SHMT1: variants seen among roughly 807,000 people sequenced by gnomAD.
SHMT1 encodes the protein serine hydroxymethyltransferase, cytosolic.
SHMT1 carries 45 observed loss-of-function variants against 49.0 expected under a neutral mutation model. The observed-to-expected ratio is 0.92, with a 90% CI of 0.72 to 1.18. The LOEUF is 1.18. Among genes scored for constraint, SHMT1 ranks in the 50% most tolerant of loss-of-function variants. The pLI is 0.00. For missense variants in SHMT1, 541 were observed against 612.4 expected (o/e 0.88, Z 1.23); for synonymous variants, 232 against 246.6 (o/e 0.94, Z 0.55).
chr17:18,329,489 G>T (rs1982946409), intron 10 of SHMT1, 101 bp from the exon 11 acceptor site: 2 of 902,888 alleles, frequency 2.2e-6, no homozygotes, highest in Admixed American at 2.0e-5. Context: ...CTGGCCTGAG[G>T]ATACTGGCTG....
chr17:18,329,463 T>C (rs964649242), intron 10 of SHMT1, 75 bp from the exon 11 acceptor site: 2 of 1,215,790 alleles, frequency 1.6e-6, no homozygotes, highest in South Asian at 1.2e-5. Context: ...AAAAGGGACA[T>C]GTGGGCAAAA....
chr17:18,352,474 C>T (rs1480293949), intron 3 of SHMT1, among the ~76,000 whole-genome samples: 1 of 151,338 alleles, frequency 6.6e-6, no homozygotes, highest in African/African-American at 2.4e-5. Flanking sequence ...GAAAACATCA[C>T]CCCTTGCTCG....
Position 18,330,645 on chromosome 17 carries a change from C to T in SHMT1, c.1081G>A (p.Val361Met). 1 of 1,614,024 alleles carries T rather than the reference C, an allele frequency of 6.2e-7. No homozygotes were observed. The highest frequency in any genetic ancestry group is 2.2e-5 in the East Asian group (1 of 44,888). ...TGGSDNHLIL[V>M]DLRSKGTDGG... is the part of the protein sequence containing the mutation. ...TCTGTGCCTTTGGAACGGAGATCCA[C>T]AAGGATCAAATGGTTGTCAGAACCA... Residue 361 changes from valine to methionine, a missense_variant, in exon 10 of 12, where the codon GTG becomes ATG. Transcript: ENST00000316694.
intron 9 of SHMT1, chr17:18,332,110 C>G (rs1044552005): frequency 6.6e-6 from 1 of 152,242 alleles, no homozygotes. Flanking sequence ...TAACAGACCA[C>G]AAACCAGTAC....
chr17:18,349,246 C>T (rs1278322012), intron 3 of SHMT1, among the ~76,000 whole-genome samples: 1 of 151,898 alleles, frequency 6.6e-6, no homozygotes, highest in East Asian at 1.9e-4. Context: ...ATGGTGAAAC[C>T]CCGTCTCTAC....
At chr17:18,348,292 G>A (rs758183699) in intron 4 of SHMT1, 33 bp downstream of exon 4, 4 of 1,366,532 alleles carry the variant, frequency 2.9e-6, no homozygotes, top group Non-Finnish European at 4.2e-6. Context: ...CACATGAAGA[G>A]GCTGCACCAG....
Position 18,363,438 on chromosome 17 carries a change from C to G in SHMT1, c.-86G>C, listed in dbSNP as rs923612378. On this transcript the variant is annotated 5_prime_UTR_variant, in exon 1 of 12. Coordinates refer to ENST00000316694, the MANE Select transcript of SHMT1 (RefSeq NM_004169.5). ...TCCCAGACCCGCTGACCCAACGCCC[C>G]GCGCACCGCCGCGGGCCAGCCACGT... 1.3e-5 allele frequency: 2 copies of G among 153,148 alleles called. No individual in the cohort carries two copies. Among genetic ancestry groups the G allele is most frequent in the Non-Finnish European group, 1.5e-5 (1 of 68,832 alleles). 9.5% of individuals were successfully genotyped at this position (153,148 alleles called of 1,614,324 possible). A position where few individuals can be genotyped will look rare whatever the true frequency, so the allele number is the denominator to read the frequency against.
chr17:18,362,664 G>C (rs1348561433), intron 1 of SHMT1, among the ~76,000 whole-genome samples: 1 of 152,202 alleles, frequency 6.6e-6, no homozygotes, highest in Non-Finnish European at 1.5e-5. Flanking sequence ...GGTGTTTCCA[G>C]TCTATTCTCT....
rs759566668 is a variant in SHMT1 at position 18,340,722 on chromosome 17, C to A, written c.601+10G>T. On this transcript the variant is annotated intron_variant, in intron 6 of 11. Coordinates refer to ENST00000316694, the MANE Select transcript of SHMT1 (RefSeq NM_004169.5). The surrounding 1 kb of genome is among the most constrained non-coding windows in gnomAD (Gnocchi z 4.5). ...TGGTGAACAAGGTGACTTTCCGCCCCGCGCATCACCTGCGATGATCAGCTT... is the reference window on the plus strand; with the variant it reads ...TGGTGAACAAGGTGACTTTCCGCCCAGCGCATCACCTGCGATGATCAGCTT... 1.2e-6 allele frequency: 2 copies of A among 1,608,480 alleles called. No homozygotes were observed. The highest frequency in any genetic ancestry group is 1.7e-6 in the Non-Finnish European group (2 of 1,177,444).
chr17:18,330,684 T>C lies in SHMT1; in HGVS notation c.1055-13A>G. 1.3e-6 allele frequency: 2 copies of C among 1,583,132 alleles called. No individual in the cohort carries two copies. Among genetic ancestry groups the C allele is most frequent in the South Asian group, 1.1e-5 (1 of 90,482 alleles). ...TTGTCAGAACCACCTGGAAACAAAG[T>C]TGGACATGTAGAAATGCAGGCGAAT... is the stretch of plus-strand genomic sequence containing the variant. On this transcript the variant is annotated splice_polypyrimidine_tract_variant and intron_variant, in intron 9 of 11. Transcript: ENST00000316694.
intron 8 of SHMT1, among the ~76,000 whole-genome samples, chr17:18,334,734 A>G (rs1357357679): frequency 6.6e-6 from 1 of 152,200 alleles, no homozygotes; most frequent in African/African-American, 2.4e-5. Flanking sequence ...CAGAGCCTCC[A>G]ATCAATACTT....
At position 18,337,577 on chromosome 17, in the gene SHMT1, CCCACGGTCTCCCTCTCCCTTT is replaced by C. The variant is rs753049536; in HGVS notation, c.815-1923_815-1903del. On this transcript the variant is annotated intron_variant, in intron 7 of 11. Coordinates refer to ENST00000316694, the MANE Select transcript of SHMT1 (RefSeq NM_004169.5). ...CTCCCTCCCCCTCCCCCTCCCTCTC[CCCACGGTCTCCCTCTCCCTTT>C]CCACGGTCTCCCTCTGATGCCGAGC... Among the ~76,000 whole-genome samples the C allele has an allele frequency of 0.026, 3,901 of 149,924 alleles. 284 individuals are homozygous for C. In the East Asian group the frequency reaches 0.28, roughly 11 times the overall value.
At chr17:18,345,181 C>T (rs1294359604) in intron 5 of SHMT1, among the ~76,000 whole-genome samples, 5 of 152,248 alleles carry the variant, frequency 3.3e-5, no homozygotes, top group Admixed American at 1.3e-4. Flanking sequence ...CCCCTCACTG[C>T]ACCCACAGGA....
Position 18,340,517 on chromosome 17 carries a change from G to A in SHMT1, c.601+215C>T, listed in dbSNP as rs1567778492. 1.5e-6 allele frequency: 1 copy of A among 678,484 alleles called. No homozygotes were observed. 42.0% of individuals were successfully genotyped at this position (678,484 alleles called of 1,614,324 possible). On this transcript the variant is annotated intron_variant, in intron 6 of 11. Transcript: ENST00000316694. This position sits in a 1 kb window ranked among gnomAD's most constrained non-coding sequence, Gnocchi z 4.5. The stretch of plus-strand genomic sequence containing the variant: ...GCCTGACATTTCTAGATGCTTCTCT[G>A]AGAACAGTCTCACATCTTAATCTAC...
At chr17:18,360,802 GTC>G (rs1329950089) in intron 1 of SHMT1, among the ~76,000 whole-genome samples, 4 of 152,112 alleles carry the variant, frequency 2.6e-5, no homozygotes, top group Non-Finnish European at 5.9e-5. Flanking sequence ...CACACCTGAA[GTC>G]TGGGGAGTCA....
intron 1 of SHMT1, among the ~76,000 whole-genome samples, chr17:18,361,316 C>CAAAAAAAAAAAAAAAAAAAAAAAAAAA (rs55736424): frequency 8.5e-6 from 1 of 117,778 alleles, no homozygotes; most frequent in Non-Finnish European, 1.8e-5. Flanking sequence ...AAAAAAAAAA[C>CAAAAAAAAAAAAAAAAAAAAAAAAAAA]AAAAACAAAA....
At chr17:18,360,532 C>G (rs1008984596) in intron 1 of SHMT1, 2 of 151,188 alleles carry the variant, frequency 1.3e-5, no homozygotes, top group Non-Finnish European at 2.9e-5. Context: ...AGCACTCCAG[C>G]CTGGCCAAGA....
At chr17:18,355,751 T>C in intron 2 of SHMT1, 135 bp downstream of exon 2, 1 of 691,594 alleles carries the variant, frequency 1.4e-6, no homozygotes, top group Non-Finnish European at 2.6e-6. Flanking sequence ...TGTAGCCATT[T>C]TGTCTGCCAC....
intron 5 of SHMT1, among the ~76,000 whole-genome samples, chr17:18,344,648 TTTC>T (rs1296535689): frequency 1.3e-5 from 2 of 150,340 alleles, no homozygotes; most frequent in Non-Finnish European, 2.9e-5. Context: ...TTCAAAGGTT[TTTC>T]TTTTCTTTTT....
Sources: gnomAD v4.1 joint callset for allele counts (sites outside exome capture counted in the v4.1 genomes callset) on GRCh38, gnomAD v4.1.1 for gene constraint, Gnocchi (gnomAD v3.1) non-coding constraint, MANE v1.5 for transcripts, NCBI Gene and HGNC (gene_info 2026-07-23, HGNC 2026-07-21) for gene names.